NRG2: variants seen among roughly 807,000 people sequenced by gnomAD.
NRG2 encodes pro-neuregulin-2, membrane-bound isoform.
NRG2 carries 27 observed loss-of-function variants against 73.9 expected under a neutral mutation model. That is an observed-to-expected ratio of 0.37 (90% CI 0.27 to 0.50). The LOEUF (loss-of-function observed/expected upper bound fraction) is 0.50. Among genes scored for constraint, NRG2 ranks in the 20% least tolerant of loss-of-function variants. The probability of loss-of-function intolerance (pLI) is 0.96; values close to 1 mark genes in which losing one functional copy is unlikely to be tolerated. For missense variants in NRG2, 1,126 were observed against 1,210.1 expected (o/e 0.93, Z 1.03); for synonymous variants, 532 against 541.0 (o/e 0.98, Z 0.23).
At chr5:139,964,064 T>C (rs946985515) in intron 1 of NRG2, among the ~76,000 whole-genome samples, 2 of 152,202 alleles carry the variant, frequency 1.3e-5, no homozygotes, top group African/African-American at 4.8e-5. Context: ...CTCAATTTCC[T>C]GACTCTTGGA....
At chr5:139,854,697 C>T (rs1473907106) in intron 6 of NRG2, among the ~76,000 whole-genome samples, 1 of 152,208 alleles carries the variant, frequency 6.6e-6, no homozygotes, top group Non-Finnish European at 1.5e-5. Context: ...GGGGCTCAGT[C>T]CCCAGAATGG....
chr5:139,953,567 C>A (rs1754392203), intron 1 of NRG2, among the ~76,000 whole-genome samples: 1 of 152,194 alleles, frequency 6.6e-6, no homozygotes, highest in South Asian at 2.1e-4. Context: ...GCTAGGTGGT[C>A]TGACTACCTG....
intron 1 of NRG2, among the ~76,000 whole-genome samples, chr5:140,019,219 A>ACC (rs971743429): frequency 6.6e-6 from 1 of 152,236 alleles, no homozygotes; most frequent in African/African-American, 2.4e-5. Context: ...CATTGACCTG[A>ACC]ATCAGAAGCC....
intron 1 of NRG2, among the ~76,000 whole-genome samples, chr5:139,938,897 A>AG: frequency 5.8e-5 from 4 of 69,240 alleles, no homozygotes; most frequent in Non-Finnish European, 1.1e-4. Flanking sequence ...AGAAAGAAAG[A>AG]AAGAAAGAAA....
chr5:139,968,430 A>G (rs546787662), intron 1 of NRG2, among the ~76,000 whole-genome samples: 3 of 152,178 alleles, frequency 2.0e-5, no homozygotes, highest in African/African-American at 4.8e-5. Flanking sequence ...TATAGAGAAG[A>G]GGCCTGTAGA....
At chr5:139,895,118 C>A (rs2127152256) in intron 1 of NRG2, among the ~76,000 whole-genome samples, 1 of 152,352 alleles carries the variant, frequency 6.6e-6, no homozygotes, top group Middle Eastern at 3.4e-3. Context: ...CCACTGACAC[C>A]CAACTTGCAA....
intron 1 of NRG2, among the ~76,000 whole-genome samples, chr5:139,999,140 G>A (rs146436544): frequency 4.5e-4 from 68 of 152,258 alleles, no homozygotes; most frequent in East Asian, 1.9e-3. Flanking sequence ...ATTCTGTGTC[G>A]TTCTCCTGAA....
At chr5:139,910,647 T>G (rs443587) in intron 1 of NRG2, among the ~76,000 whole-genome samples, 35,442 of 152,030 alleles carry the variant, frequency 0.23, 5,533 homozygotes, top group African/African-American at 0.44. Flanking sequence ...GGAGGCCCTT[T>G]CCAATAGTGA....
At chr5:140,010,527 T>TG (rs2126642884) in intron 1 of NRG2, among the ~76,000 whole-genome samples, 2 of 152,198 alleles carry the variant, frequency 1.3e-5, no homozygotes, top group South Asian at 4.2e-4. Context: ...ACTGTACATG[T>TG]GGGGGGCAGG....
chr5:139,996,982 A>G (rs890430770), intron 1 of NRG2, among the ~76,000 whole-genome samples: 2 of 152,068 alleles, frequency 1.3e-5, no homozygotes, highest in Admixed American at 6.6e-5. Context: ...CTCTACTAAA[A>G]ATACAAAAAA....
At chr5:139,945,577 G>C (rs968171760) in intron 1 of NRG2, among the ~76,000 whole-genome samples, 1 of 152,054 alleles carries the variant, frequency 6.6e-6, no homozygotes, top group African/African-American at 2.4e-5. Flanking sequence ...AACAAAACTG[G>C]AGGTATTGCT....
chr5:139,976,829 G>A (rs551795203), intron 1 of NRG2, among the ~76,000 whole-genome samples: 2 of 152,250 alleles, frequency 1.3e-5, no homozygotes, highest in Non-Finnish European at 2.9e-5. Flanking sequence ...GGAGTCAGAG[G>A]ATGAGAGAGA....
At chr5:139,871,027 C>T (rs756972256) in intron 4 of NRG2, 3 of 152,364 alleles carry the variant, frequency 2.0e-5, no homozygotes, top group Non-Finnish European at 4.4e-5. Flanking sequence ...ACCCTGACCT[C>T]CCCCATTGGG....
At chr5:140,033,968 T>C (rs1761329622) in intron 1 of NRG2, among the ~76,000 whole-genome samples, 1 of 152,024 alleles carries the variant, frequency 6.6e-6, no homozygotes, top group Non-Finnish European at 1.5e-5. Context: ...TTTCCTTTTT[T>C]TTTTTTTTGA....
At position 139,848,651 on chromosome 5, in the gene NRG2, A is replaced by G. The variant is rs755239567; in HGVS notation, c.1819T>C (p.Phe607Leu). ...TTPARLSPVD[F>L]HYSLATQVPT... is the part of the protein sequence containing the mutation. ...ACCTGCGTGGCCAGCGAGTAGTGGA[A>G]GTCCACGGGCGAGAGGCGCGCGGGC... Residue 607 changes from phenylalanine (F) to leucine (L), a missense_variant, in exon 10 of 10, where the codon TTC becomes CTC. Physicochemically the swap from Phe to Leu is conservative, Grantham distance 22. Transcript: ENST00000361474. 1 of 1,573,224 alleles carries G rather than the reference A, an allele frequency of 6.4e-7. No homozygotes were observed. The highest frequency in any genetic ancestry group is 1.1e-5 in the South Asian group (1 of 87,494).
rs370736729 is a variant in NRG2, at chr5:140,024,159, A to ACC, written c.700+18209_700+18210dup. Reference sequence around the variant, plus strand: ...CTGGGCAGGGCAGAGGGACGAGGTTACCCTATCCTCACTGTATGGAGAGAG... The same window carrying ACC: ...CTGGGCAGGGCAGAGGGACGAGGTTACCCCCTATCCTCACTGTATGGAGAGAG... On this transcript the variant is annotated intron_variant, in intron 1 of 9. Transcript: ENST00000361474. 6.4e-4 allele frequency among the ~76,000 whole-genome samples: 98 copies of ACC among 152,158 alleles called. 2 individuals carry two copies. The highest frequency in any genetic ancestry group is 2.3e-3 in the African/African-American group (94 of 41,506).
At position 139,889,577 on chromosome 5, in the gene NRG2, T is replaced by C. The variant is rs78401117; in HGVS notation, c.701-2066A>G. On this transcript the variant is annotated intron_variant, in intron 1 of 9. Coordinates refer to ENST00000361474, the MANE Select transcript of NRG2 (RefSeq NM_004883.3). The stretch of plus-strand genomic sequence containing the variant: ...TACAGCATCATTTTTCATGGTTGCA[T>C]AATGTTCCTGTATGGGTGTATCATA... 1.4e-3 allele frequency among the ~76,000 whole-genome samples: 206 copies of C among 152,344 alleles called. 7 individuals are homozygous for C. The East Asian group carries it at 0.035, about 26-fold the overall frequency.
Position 139,880,795 on chromosome 5 carries a change from G to A in NRG2, c.991+61C>T, listed in dbSNP as rs202148848. The A allele has an allele frequency of 1.5e-3, 1,928 of 1,306,512 alleles. 3 individuals are homozygous for A. Among genetic ancestry groups the A allele is most frequent in the Non-Finnish European group, 1.9e-3 (1,761 of 917,848 alleles). 80.9% of individuals were successfully genotyped at this position (1,306,512 alleles called of 1,614,324 possible). A position where few individuals can be genotyped will look rare whatever the true frequency, so the allele number is the denominator to read the frequency against. ...CACATGCAGGCCCCAAGGGCTGGGG[G>A]GCCACTGGCCCGCCCTGCCAAACCC... On this transcript the variant is annotated intron_variant, in intron 3 of 9. Transcript: ENST00000361474.
At chr5:139,888,834 C>T (rs1764035962) in intron 1 of NRG2, among the ~76,000 whole-genome samples, 1 of 152,060 alleles carries the variant, frequency 6.6e-6, no homozygotes, top group Non-Finnish European at 1.5e-5. Context: ...AAGAAGAAAA[C>T]AAAACCTTCC....
Sources: gnomAD v4.1 joint callset for allele counts (sites outside exome capture counted in the v4.1 genomes callset) on GRCh38, gnomAD v4.1.1 for gene constraint, MANE v1.5 for transcripts, NCBI Gene and HGNC (gene_info 2026-07-23, HGNC 2026-07-21) for gene names.